The following UGGT2 variants were observed in gnomAD, a reference collection of about 807,000 sequenced individuals.
The protein encoded by UGGT2 is UDP-glucose:glycoprotein glucosyltransferase 2.
In UGGT2, 180 loss-of-function variants were observed where a neutral mutation model predicts 192.1. That is an observed-to-expected ratio of 0.94 (90% CI 0.83 to 1.06). The LOEUF is 1.06. Among genes scored for constraint, UGGT2 ranks in the 50% least tolerant of loss-of-function variants. The pLI is 0.00. For missense variants in UGGT2, 1,849 were observed against 1,795.7 expected (o/e 1.03, Z -0.54); for synonymous variants, 580 against 591.0 (o/e 0.98, Z 0.27).
At position 96,046,828 on chromosome 13, in the gene UGGT2, G is replaced by C. The variant is rs566996219; in HGVS notation, c.158+6327C>G. On this transcript the variant is annotated intron_variant, in intron 1 of 38. Coordinates refer to ENST00000376747, the MANE Select transcript of UGGT2 (RefSeq NM_020121.4). ...GGCACACCAGGAGATTATATCCTGC[G>C]CATGGCTTGAAGAGTCCCATGTCCA... Among the ~76,000 whole-genome samples, 3 of 152,292 alleles carry C rather than the reference G, an allele frequency of 2.0e-5. 1 individual carries two copies. In the South Asian group the frequency reaches 6.2e-4, roughly 32 times the overall value.
intron 27 of UGGT2, among the ~76,000 whole-genome samples, chr13:95,878,446 A>G (rs1037615409): frequency 6.6e-6 from 1 of 152,152 alleles, no homozygotes; most frequent in Non-Finnish European, 1.5e-5. Context: ...TAAGAAAGTA[A>G]CCTGCCTTTT....
intron 38 of UGGT2, among the ~76,000 whole-genome samples, chr13:95,823,564 T>C (rs1397840325): frequency 2.0e-5 from 3 of 152,104 alleles, no homozygotes; most frequent in Non-Finnish European, 4.4e-5. Flanking sequence ...TTTTGTCTGA[T>C]ATAAGAATAG....
rs192761205 is a variant in UGGT2 at position 95,885,085 on chromosome 13, G to A, written c.3039-405C>T. Among the ~76,000 whole-genome samples, 332 of 152,226 alleles carry A rather than the reference G, an allele frequency of 2.2e-3. 3 individuals are homozygous for A. The highest frequency in any genetic ancestry group is 3.4e-3 in the Non-Finnish European group (229 of 68,018). The stretch of plus-strand genomic sequence containing the variant: ...CTAATAATATGAAGAGAAATGGTAG[G>A]AAACAAATGAAATTCAAGCTGAAAT... On this transcript the variant is annotated intron_variant, in intron 26 of 38. Transcript: ENST00000376747.
chr13:95,981,729 T>C (rs2051132339), intron 10 of UGGT2, among the ~76,000 whole-genome samples: 1 of 152,220 alleles, frequency 6.6e-6, no homozygotes, highest in Non-Finnish European at 1.5e-5. Context: ...CAGAAACACA[T>C]TTCCAGGGCT....
At chr13:95,916,885 G>C (rs565479115) in intron 20 of UGGT2, among the ~76,000 whole-genome samples, 1 of 151,956 alleles carries the variant, frequency 6.6e-6, no homozygotes, top group Non-Finnish European at 1.5e-5. Flanking sequence ...CAAAACCTCC[G>C]AGAACTATAG....
chr13:96,026,372 C>G (rs1361673138), intron 2 of UGGT2, among the ~76,000 whole-genome samples: 1 of 152,034 alleles, frequency 6.6e-6, no homozygotes, highest in Non-Finnish European at 1.5e-5. Flanking sequence ...ATTGTGAGCT[C>G]TATACCATCT....
chr13:96,025,015 T>G (rs914263945), intron 2 of UGGT2, among the ~76,000 whole-genome samples: 3 of 152,200 alleles, frequency 2.0e-5, no homozygotes, highest in Non-Finnish European at 4.4e-5. Context: ...TATCTGGCCC[T>G]CCAAGTTGTC....
chr13:95,909,819 A>AAAC (rs2048426944), intron 20 of UGGT2, among the ~76,000 whole-genome samples: 1 of 149,284 alleles, frequency 6.7e-6, no homozygotes, highest in African/African-American at 2.4e-5. Flanking sequence ...AAAAAAAAAA[A>AAAC]ACTGTTAAGG....
At position 95,925,787 on chromosome 13, in the gene UGGT2, AAC is replaced by A. The variant is rs2048997512; in HGVS notation, c.2201-15_2201-14del. ...ATTATACTCTCATCTGAAAGTTTCA[AAC>A]AGTTTACTCAAATTAACTTTTTTTT... On this transcript the variant is annotated splice_polypyrimidine_tract_variant and intron_variant, in intron 19 of 38. Transcript: ENST00000376747. 4 of 1,522,356 alleles carry A rather than the reference AAC, an allele frequency of 2.6e-6. No homozygotes were observed. The East Asian group carries it at 7.0e-5, about 27-fold the overall frequency. The allele number at this position is 1,522,356 out of a possible 1,614,324, so 94.3% of individuals were successfully genotyped here. A position where few individuals can be genotyped will look rare whatever the true frequency, so the allele number is the denominator to read the frequency against.
intron 17 of UGGT2, among the ~76,000 whole-genome samples, chr13:95,932,311 T>TTGTGTGTGTGTGTGTGTGTGTGTGTG (rs67135742): frequency 1.4e-5 from 2 of 139,422 alleles, no homozygotes; most frequent in Non-Finnish European, 3.1e-5. Context: ...GGTATTTTAT[T>TTGTGTGTGTGTGTGTGTGTGTGTGTG]TGTGTGTGTG....
chr13:96,043,339 T>A (rs982610334), intron 1 of UGGT2, among the ~76,000 whole-genome samples: 8 of 151,970 alleles, frequency 5.3e-5, no homozygotes, highest in African/African-American at 1.9e-4. Context: ...CCACTACCAA[T>A]CCAGCACCAC....
intron 16 of UGGT2, among the ~76,000 whole-genome samples, chr13:95,937,669 G>A (rs1213326870): frequency 6.6e-6 from 1 of 152,186 alleles, no homozygotes; most frequent in Non-Finnish European, 1.5e-5. Context: ...TGGGGCCCAG[G>A]AGAAGCACCT....
In UGGT2 at chr13:95,837,149, G is replaced by T. The variant is rs369789623; in HGVS notation, c.4338C>A (p.Asp1446Glu). The T allele has an allele frequency of 8.1e-6, 13 of 1,613,936 alleles. No individual in the cohort carries two copies. Among genetic ancestry groups the T allele is most frequent in the Non-Finnish European group, 1.1e-5 (13 of 1,179,972 alleles). The change falls in exon 37 of 39, where the codon GAC (aspartate) becomes GAA (glutamate). Residue 1446 changes from aspartate to glutamate, a missense_variant. By Grantham distance (45) the Asp-to-Glu change is conservative (BLOSUM62 2). Transcript: ENST00000376747. The part of the protein sequence containing the change: ...YQVAIKSLPQ[D>E]WLWCETWCDD... ...CACACCAGGTTTCACACCACAGCCA[G>T]TCTTGAGGAAGAGACTTAATGGCGA...
chr13:95,817,228 C>T (rs1253617217), intron 38 of UGGT2, among the ~76,000 whole-genome samples: 1 of 152,128 alleles, frequency 6.6e-6, no homozygotes, highest in African/African-American at 2.4e-5. Flanking sequence ...AGATCATAAA[C>T]ATTCTGGTAT....
intron 25 of UGGT2, among the ~76,000 whole-genome samples, chr13:95,888,187 C>T (rs1399816909): frequency 6.6e-6 from 1 of 152,158 alleles, no homozygotes; most frequent in Non-Finnish European, 1.5e-5. Context: ...TTAATCCAAA[C>T]AGTTGATTTC....
intron 5 of UGGT2, 106 bp downstream of exon 5, chr13:96,013,201 G>T: frequency 8.8e-7 from 1 of 1,136,440 alleles, no homozygotes. Context: ...AAAAAAGTTA[G>T]ATAACTATTC....
At position 95,854,341 on chromosome 13, in the gene UGGT2, A is replaced by G; in HGVS notation, c.4143T>C (p.His1381=). The change falls in exon 35 of 39, where the codon CAT becomes CAC. Residue 1381 remains histidine, a synonymous_variant. Coordinates refer to ENST00000376747, the MANE Select transcript of UGGT2 (RefSeq NM_020121.4). ...RFWKTGYWAS[H]LLRRKYHISA... ...TGATATGGTATTTCCGTCTTAAAAGATGTGATGCCCAGTATCCTGTTTTCC... is the reference window on the plus strand; with the variant it reads ...TGATATGGTATTTCCGTCTTAAAAGGTGTGATGCCCAGTATCCTGTTTTCC... 1 of 1,613,178 alleles carries G rather than the reference A, an allele frequency of 6.2e-7. No homozygotes were observed. Among genetic ancestry groups the G allele is most frequent in the South Asian group, 1.1e-5 (1 of 90,846 alleles).
At chr13:95,875,634 G>A (rs1891609372) in intron 29 of UGGT2, among the ~76,000 whole-genome samples, 1 of 152,234 alleles carries the variant, frequency 6.6e-6, no homozygotes, top group East Asian at 1.9e-4. Flanking sequence ...TTCCGTCTGT[G>A]GTATGACTAA....
intron 5 of UGGT2, among the ~76,000 whole-genome samples, chr13:96,000,257 G>A (rs566451992): frequency 2.6e-5 from 4 of 152,294 alleles, no homozygotes; most frequent in East Asian, 3.9e-4. Context: ...AGAGATTGGA[G>A]GGAAGGAGAA....
Sources: gnomAD v4.1 joint callset for allele counts (sites outside exome capture counted in the v4.1 genomes callset) on GRCh38, gnomAD v4.1.1 for gene constraint, MANE v1.5 for transcripts, NCBI Gene and HGNC (gene_info 2026-07-23, HGNC 2026-07-21) for gene names.